Variants in RASEF observed in about 807,000 individuals in gnomAD.
RASEF encodes ras and EF-hand domain-containing protein.
A neutral mutation model predicts 90.1 loss-of-function variants in RASEF; 68 were observed. That is an observed-to-expected ratio of 0.75 (90% CI 0.62 to 0.92). RASEF has a LOEUF of 0.92. RASEF is among the 40% of genes least tolerant of loss of function. RASEF has a pLI of 0.00. For synonymous variants in RASEF, 331 were observed against 345.2 expected, an observed-to-expected ratio of 0.96 and a Z score of 0.46; for missense variants, 949 against 937.2, an observed-to-expected ratio of 1.01 and a Z score of -0.16.
At chr9:83,114,296 T>G in the RASEF span, among the ~76,000 whole-genome samples, 1 of 152,234 alleles carries the variant, frequency 6.6e-6, no homozygotes. Flanking sequence ...TGATTTCCTA[T>G]GCCTGTCTTT....
chr9:82,993,055 A>C, intron 14 of RASEF, 30 bp from the exon 15 acceptor site: 1 of 1,608,126 alleles, frequency 6.2e-7, no homozygotes, highest in Non-Finnish European at 8.5e-7. Flanking sequence ...AATGGGGCAC[A>C]CATCAAACAC....
chr9:83,079,232 A>G, the RASEF span, among the ~76,000 whole-genome samples: 21 of 152,160 alleles, frequency 1.4e-4, no homozygotes, highest in African/African-American at 5.1e-4. Flanking sequence ...TTTTGTATAG[A>G]GTGTAAGGAA....
the RASEF span, among the ~76,000 whole-genome samples, chr9:83,138,838 T>C: frequency 6.6e-6 from 1 of 152,090 alleles, no homozygotes; most frequent in African/African-American, 2.4e-5. Flanking sequence ...AACTTATGAT[T>C]AGTGTCATGA....
the RASEF span, among the ~76,000 whole-genome samples, chr9:83,163,384 C>G: frequency 7.9e-5 from 12 of 152,206 alleles, no homozygotes; most frequent in East Asian, 2.3e-3. Flanking sequence ...TTTGAAGAGA[C>G]AGAACTAGAC....
chr9:83,102,793 G>T, the RASEF span, among the ~76,000 whole-genome samples: 44 of 152,284 alleles, frequency 2.9e-4, no homozygotes, highest in African/African-American at 9.4e-4. Flanking sequence ...CTGCCCTGGG[G>T]TGATGAGGAC....
the RASEF span, among the ~76,000 whole-genome samples, chr9:83,122,773 T>A: frequency 2.6e-5 from 4 of 152,262 alleles, no homozygotes; most frequent in African/African-American, 9.6e-5. Context: ...TAAATATGTA[T>A]TAATTTTATA....
chr9:83,108,216 A>G, the RASEF span, among the ~76,000 whole-genome samples: 1 of 152,066 alleles, frequency 6.6e-6, no homozygotes, highest in Non-Finnish European at 1.5e-5. Context: ...TGTTCATTTT[A>G]CCCCTTGTGA....
the RASEF span, among the ~76,000 whole-genome samples, chr9:83,108,755 A>T: frequency 6.6e-6 from 1 of 152,174 alleles, no homozygotes; most frequent in African/African-American, 2.4e-5. Context: ...TTTGAACTAC[A>T]TCTGATTGAA....
At chr9:83,049,390 T>G (rs936472193) in intron 1 of RASEF, 1 of 932,272 alleles carries the variant, frequency 1.1e-6, no homozygotes, top group African/African-American at 1.8e-5. Flanking sequence ...CATGGCTATC[T>G]TGAACACATT....
chr9:83,104,550 G>T, the RASEF span, among the ~76,000 whole-genome samples: 4 of 152,094 alleles, frequency 2.6e-5, no homozygotes, highest in African/African-American at 9.7e-5. Context: ...CACAGAAAAG[G>T]ACAGGAGATG....
intron 1 of RASEF, chr9:83,049,357 T>C (rs775466622): frequency 1.0e-4 from 98 of 984,920 alleles, no homozygotes; most frequent in Non-Finnish European, 1.1e-4. Flanking sequence ...CCACAGTCAA[T>C]GTCCGTGCGG....
chr9:83,000,140 C>G, intron 12 of RASEF, 29 bp downstream of exon 12: 1 of 1,602,534 alleles, frequency 6.2e-7, no homozygotes, highest in Non-Finnish European at 8.5e-7. Context: ...AGGTCATTTT[C>G]CCATTATCAA....
the RASEF span, among the ~76,000 whole-genome samples, chr9:83,158,827 C>T: frequency 2.0e-5 from 3 of 151,008 alleles, no homozygotes; most frequent in Non-Finnish European, 2.9e-5. Flanking sequence ...CACACACAGA[C>T]ATACACACAC....
chr9:83,097,497 C>A, the RASEF span, among the ~76,000 whole-genome samples: 1 of 152,184 alleles, frequency 6.6e-6, no homozygotes, highest in Non-Finnish European at 1.5e-5. Flanking sequence ...TTTTTGCAAT[C>A]TACTCATCTG....
chr9:83,036,662 T>G (rs1240778901), intron 1 of RASEF, among the ~76,000 whole-genome samples: 1 of 152,090 alleles, frequency 6.6e-6, no homozygotes, highest in Admixed American at 6.5e-5. Flanking sequence ...TAAGGAGACA[T>G]GACAACAAAA....
chr9:83,151,825 GA>G, the RASEF span, among the ~76,000 whole-genome samples: 1 of 152,142 alleles, frequency 6.6e-6, no homozygotes, highest in Non-Finnish European at 1.5e-5. Flanking sequence ...CTGACAGCTG[GA>G]ATTCAGACCT....
chr9:83,211,978 C>T, the RASEF span, among the ~76,000 whole-genome samples: 2 of 152,002 alleles, frequency 1.3e-5, no homozygotes, highest in Admixed American at 6.6e-5. Context: ...TACTTAGGAC[C>T]TCAGAAACCC....
chr9:83,090,875 T>G, the RASEF span, among the ~76,000 whole-genome samples: 1 of 152,048 alleles, frequency 6.6e-6, no homozygotes, highest in Non-Finnish European at 1.5e-5. Context: ...ATAATAATAA[T>G]TATTATTATG....
chr9:82,994,242 G>A (rs577710920), intron 14 of RASEF, among the ~76,000 whole-genome samples: 52 of 152,266 alleles, frequency 3.4e-4, no homozygotes, highest in African/African-American at 1.2e-3. Context: ...TAATGCGCTC[G>A]TTAATTGTGT....
Sources: gnomAD v4.1 joint callset for allele counts (sites outside exome capture counted in the v4.1 genomes callset) on GRCh38, gnomAD v4.1.1 for gene constraint, MANE v1.5 for transcripts, NCBI Gene and HGNC (gene_info 2026-07-23, HGNC 2026-07-21) for gene names.